Variants in MND1 observed in about 807,000 individuals in gnomAD.
MND1 encodes the protein meiotic nuclear division protein 1 homolog.
A neutral mutation model predicts 35.1 loss-of-function variants in MND1; 28 were observed. The observed-to-expected ratio is 0.80, with a 90% CI of 0.59 to 1.09. The LOEUF (loss-of-function observed/expected upper bound fraction) is 1.09, where lower values mean the gene tolerates loss of function less well. MND1 is among the 50% of genes least tolerant of loss of function. The pLI, the probability that MND1 is intolerant of heterozygous loss-of-function variation, is 0.00. For synonymous variants in MND1, 69 were observed against 70.5 expected, an observed-to-expected ratio of 0.98 and a Z score of 0.11; for missense variants, 213 against 239.6, an observed-to-expected ratio of 0.89 and a Z score of 0.73.
At chr4:153,394,921 T>G (rs1729158042) in intron 5 of MND1, among the ~76,000 whole-genome samples, 1 of 152,200 alleles carries the variant, frequency 6.6e-6, no homozygotes, top group Non-Finnish European at 1.5e-5. Flanking sequence ...ACTTTCTATT[T>G]TCATCATTAT....
intron 4 of MND1, among the ~76,000 whole-genome samples, chr4:153,366,468 A>G (rs979696359): frequency 3.9e-5 from 6 of 152,224 alleles, no homozygotes; most frequent in Non-Finnish European, 7.3e-5. Flanking sequence ...GACCATGTTA[A>G]GTTTGAAGTG....
chr4:153,364,535 C>A (rs1197511815), intron 4 of MND1, among the ~76,000 whole-genome samples: 1 of 151,442 alleles, frequency 6.6e-6, no homozygotes, highest in Non-Finnish European at 1.5e-5. Context: ...AAAAAAAATC[C>A]ATTTTTGGTA....
In MND1 at chr4:153,392,250, C is replaced by T. The variant is rs181635104; in HGVS notation, c.277-2012C>T. Among the ~76,000 whole-genome samples, 26 of 151,920 alleles carry T rather than the reference C, an allele frequency of 1.7e-4. No individual in the cohort carries two copies. In the East Asian group the frequency reaches 3.3e-3, roughly 19 times the overall value. ...CCAAGTAGCTGGGACTACAAGCGCA[C>T]GCCACCACACCCAGCTAATTTTGTT... is the stretch of plus-strand genomic sequence containing the variant. On this transcript the variant is annotated intron_variant, in intron 4 of 7. Transcript: ENST00000240488.
chr4:153,400,693 C>T (rs1729325082), intron 6 of MND1, among the ~76,000 whole-genome samples: 1 of 152,008 alleles, frequency 6.6e-6, no homozygotes, highest in African/African-American at 2.4e-5. Context: ...GCCTGGGCAA[C>T]CGAGTGAGAC....
In MND1 at chr4:153,390,881, GTA is replaced by G. The variant is rs71598270; in HGVS notation, c.277-3373_277-3372del. ...GAACCAGCCCGTCTCAAAAAAAAAGGTATATATATGTGTGTGTGTGTGTGTGT... is the reference window on the plus strand; with the variant it reads ...GAACCAGCCCGTCTCAAAAAAAAAGGTATATATGTGTGTGTGTGTGTGTGT... On this transcript the variant is annotated intron_variant, in intron 4 of 7. Transcript: ENST00000240488. Among the ~76,000 whole-genome samples the G allele has an allele frequency of 1.1e-3, 154 of 137,578 alleles. 1 individual carries two copies. Among genetic ancestry groups the G allele is most frequent in the African/African-American group, 2.0e-3 (67 of 33,202 alleles). 90.3% of individuals were successfully genotyped at this position (137,578 alleles called of 152,430 possible).
chr4:153,367,317 C>T (rs1053883954), intron 4 of MND1, among the ~76,000 whole-genome samples: 34 of 152,164 alleles, frequency 2.2e-4, no homozygotes, highest in African/African-American at 7.7e-4. Context: ...CAGCCCACTC[C>T]TCCCACACAG....
chr4:153,397,405 CT>C, intron 6 of MND1, 72 bp downstream of exon 6: 1 of 1,038,746 alleles, frequency 9.6e-7, no homozygotes, highest in Non-Finnish European at 1.4e-6. Flanking sequence ...TAGTTGCCTG[CT>C]AACTATTCTC....
At chr4:153,364,955 T>TA (rs1185501375) in intron 4 of MND1, among the ~76,000 whole-genome samples, 1 of 152,130 alleles carries the variant, frequency 6.6e-6, no homozygotes, top group Non-Finnish European at 1.5e-5. Context: ...AAAAGACAAA[T>TA]ACTCTATGAT....
At chr4:153,363,592 A>G (rs1773552583) in intron 4 of MND1, among the ~76,000 whole-genome samples, 1 of 152,200 alleles carries the variant, frequency 6.6e-6, no homozygotes, top group Non-Finnish European at 1.5e-5. Context: ...GATTTTGGAA[A>G]TACATGCCCT....
chr4:153,399,968 AG>A (rs1332220575), intron 6 of MND1, among the ~76,000 whole-genome samples: 1 of 125,396 alleles, frequency 8.0e-6, no homozygotes, highest in Non-Finnish European at 1.6e-5. Context: ...GTGCATGATC[AG>A]GGATCACGGT....
intron 4 of MND1, among the ~76,000 whole-genome samples, chr4:153,371,792 A>G (rs1296771267): frequency 1.3e-5 from 2 of 151,902 alleles, no homozygotes; most frequent in Non-Finnish European, 2.9e-5. Flanking sequence ...TTTCCCTTGC[A>G]CTCACAACTT....
At chr4:153,368,023 C>T (rs1185620959) in intron 4 of MND1, among the ~76,000 whole-genome samples, 1 of 152,124 alleles carries the variant, frequency 6.6e-6, no homozygotes, top group African/African-American at 2.4e-5. Flanking sequence ...TATCTCTTCT[C>T]TTAAACGTGA....
intron 7 of MND1, among the ~76,000 whole-genome samples, chr4:153,412,195 T>G (rs536519974): frequency 6.6e-6 from 1 of 152,374 alleles, no homozygotes; most frequent in African/African-American, 2.4e-5. Flanking sequence ...TGCAGTAGTA[T>G]TCTCCATAAA....
At chr4:153,387,986 A>G (rs184800011) in intron 4 of MND1, among the ~76,000 whole-genome samples, 1 of 151,982 alleles carries the variant, frequency 6.6e-6, no homozygotes, top group South Asian at 2.1e-4. Flanking sequence ...ATGCTTCGAC[A>G]TTTTTTTAAT....
At chr4:153,379,688 A>AAATACAAAACCCCGTCTCTACT (rs1728614707) in intron 4 of MND1, among the ~76,000 whole-genome samples, 3 of 151,832 alleles carry the variant, frequency 2.0e-5, no homozygotes, top group Admixed American at 6.6e-5. Context: ...CGTCTCTACT[A>AAATACAAAACCCCGTCTCTACT]AAAATACAAA....
At chr4:153,411,415 A>G (rs1186583038) in intron 7 of MND1, among the ~76,000 whole-genome samples, 1 of 152,192 alleles carries the variant, frequency 6.6e-6, no homozygotes, top group Non-Finnish European at 1.5e-5. Flanking sequence ...TTCTACATTA[A>G]ATAGGGAAAT....
chr4:153,357,674 C>T (rs1454852311), intron 3 of MND1, among the ~76,000 whole-genome samples: 1 of 152,144 alleles, frequency 6.6e-6, no homozygotes, highest in African/African-American at 2.4e-5. Flanking sequence ...TTAATTACAC[C>T]AGTGTCCTAA....
At chr4:153,367,803 T>C (rs1773693614) in intron 4 of MND1, among the ~76,000 whole-genome samples, 1 of 152,190 alleles carries the variant, frequency 6.6e-6, no homozygotes. Context: ...ATAGTTCTGA[T>C]AACAGTGTGT....
At chr4:153,363,062 A>G (rs184653416) in intron 4 of MND1, 1 of 969,776 alleles carries the variant, frequency 1.0e-6, no homozygotes, top group Admixed American at 6.2e-5. Flanking sequence ...GTTTGCTGGT[A>G]CTTTGAGCTA....
Sources: gnomAD v4.1 joint callset for allele counts (sites outside exome capture counted in the v4.1 genomes callset) on GRCh38, gnomAD v4.1.1 for gene constraint, MANE v1.5 for transcripts, NCBI Gene and HGNC (gene_info 2026-07-23, HGNC 2026-07-21) for gene names.